The following PRKN variants were observed in gnomAD, a reference collection of about 807,000 sequenced individuals.
The protein encoded by PRKN is parkin RBR E3 ubiquitin protein ligase.
A neutral mutation model predicts 59.5 loss-of-function variants in PRKN; 56 were observed. The observed-to-expected ratio is 0.94, with a 90% confidence interval of 0.76 to 1.18. The LOEUF (loss-of-function observed/expected upper bound fraction) is 1.18. Ranked by LOEUF, PRKN falls within the 50% of genes most tolerant of loss-of-function variation. The pLI is 0.00. For synonymous variants in PRKN, 250 were observed against 222.1 expected, an observed-to-expected ratio of 1.13 and a Z score of -1.12; for missense variants, 657 against 596.4, an observed-to-expected ratio of 1.10 and a Z score of -1.06.
chr6:162,118,635 G>A (rs556390239), intron 4 of PRKN, among the ~76,000 whole-genome samples: 1 of 152,262 alleles, frequency 6.6e-6, no homozygotes, highest in South Asian at 2.1e-4. Flanking sequence ...AGTTAATAAA[G>A]TCAGCAACAT....
rs1278417753 is a variant in PRKN, at chr6:161,456,367, T to G, written c.1084-69490A>C. On this transcript the variant is annotated intron_variant, in intron 9 of 11. Coordinates refer to ENST00000366898, the MANE Select transcript of PRKN (RefSeq NM_004562.3). The surrounding 1 kb of genome is among the most constrained non-coding windows in gnomAD (Gnocchi z 4.8). ...ACATCAGACTCCAAGTTCTTCAGCT[T>G]TTGGACTCTTGGACCTACACCAGTG... Among the ~76,000 whole-genome samples, 1 of 151,958 alleles carries G rather than the reference T, an allele frequency of 6.6e-6. No homozygotes were observed. The highest frequency in any genetic ancestry group is 1.5e-5 in the Non-Finnish European group (1 of 67,988).
chr6:162,235,958 G>GAAGGAAGGAAGAAAGA (rs1778658214), intron 3 of PRKN, among the ~76,000 whole-genome samples: 1 of 92,600 alleles, frequency 1.1e-5, no homozygotes, highest in Admixed American at 1.2e-4. Context: ...AGGAAGAAAG[G>GAAGGAAGGAAGAAAGA]AAGAAAGAAA....
intron 6 of PRKN, among the ~76,000 whole-genome samples, chr6:161,969,119 T>C (rs1321568476): frequency 6.6e-6 from 1 of 152,036 alleles, no homozygotes; most frequent in Non-Finnish European, 1.5e-5. Flanking sequence ...ACTAGAGCAG[T>C]GTTTCTGGAA....
At position 161,559,233 on chromosome 6, in the gene PRKN, T is replaced by C. The variant is rs576680462; in HGVS notation, c.933+10122A>G. ...AAGAGATCCAAATCAACTGGCTTCC[T>C]TGTCCCCTCTCCATGTGTGACACGG... On this transcript the variant is annotated intron_variant, in intron 8 of 11. Coordinates refer to ENST00000366898, the MANE Select transcript of PRKN (RefSeq NM_004562.3). 2.0e-5 allele frequency among the ~76,000 whole-genome samples: 3 copies of C among 152,218 alleles called. No homozygotes were observed. The South Asian group carries it at 6.2e-4, about 32-fold the overall frequency.
intron 1 of PRKN, among the ~76,000 whole-genome samples, chr6:162,669,936 T>C (rs934634603): frequency 3.3e-5 from 5 of 152,126 alleles, no homozygotes; most frequent in African/African-American, 1.2e-4. Flanking sequence ...GGACAAGAAA[T>C]TAATAAATCA....
chr6:161,895,313 A>G lies in PRKN; in HGVS notation c.734+77989T>C, dbSNP rs532748438. On this transcript the variant is annotated intron_variant, in intron 6 of 11. Transcript: ENST00000366898. ...GCAAGAGGAGACCTGAACGATTGGC[A>G]TAAGAAAATAAATACCCCTTCCATG... Among the ~76,000 whole-genome samples, 5 of 152,284 alleles carry G rather than the reference A, an allele frequency of 3.3e-5. No individual in the cohort carries two copies. In the East Asian group the frequency reaches 9.7e-4, roughly 29 times the overall value.
chr6:161,687,602 G>A (rs1030446558), intron 7 of PRKN, among the ~76,000 whole-genome samples: 20 of 149,276 alleles, frequency 1.3e-4, no homozygotes, highest in South Asian at 6.4e-4. Flanking sequence ...GACTGCAGGC[G>A]CGAACCACCA....
chr6:162,287,121 G>A (rs1313652352), intron 2 of PRKN, among the ~76,000 whole-genome samples: 1 of 152,138 alleles, frequency 6.6e-6, no homozygotes, highest in Non-Finnish European at 1.5e-5. Context: ...GTGAAACTCA[G>A]AAAAATGATA....
chr6:162,526,371 G>T (rs950936794), intron 1 of PRKN, among the ~76,000 whole-genome samples: 1 of 151,490 alleles, frequency 6.6e-6, no homozygotes, highest in Non-Finnish European at 1.5e-5. Context: ...ACCAAAGGTG[G>T]CCGGGCACGG....
intron 9 of PRKN, among the ~76,000 whole-genome samples, chr6:161,539,979 T>C (rs1487557975): frequency 6.6e-6 from 1 of 152,156 alleles, no homozygotes; most frequent in Non-Finnish European, 1.5e-5. Flanking sequence ...AAGTGGATCG[T>C]TTCCATATTT....
chr6:162,680,740 A>G (rs1779740781), intron 1 of PRKN, among the ~76,000 whole-genome samples: 1 of 152,212 alleles, frequency 6.6e-6, no homozygotes, highest in Non-Finnish European at 1.5e-5. Flanking sequence ...TTATAGAGTA[A>G]ATAATCACTC....
At chr6:162,475,682 T>C (rs4709628) in intron 1 of PRKN, among the ~76,000 whole-genome samples, 47,397 of 152,108 alleles carry the variant, frequency 0.31, 7,661 homozygotes, top group East Asian at 0.49. Context: ...AGCTGCGTCA[T>C]GCCTCCGGAA....
At chr6:162,535,725 T>G (rs1417308211) in intron 1 of PRKN, among the ~76,000 whole-genome samples, 7 of 151,882 alleles carry the variant, frequency 4.6e-5, no homozygotes, top group Admixed American at 3.9e-4. Flanking sequence ...CCTGGCAACA[T>G]GGAGAAACTC....
intron 2 of PRKN, among the ~76,000 whole-genome samples, chr6:162,337,793 A>AAAAC (rs1397195209): frequency 1.3e-5 from 2 of 152,212 alleles, no homozygotes; most frequent in Non-Finnish European, 2.9e-5. Flanking sequence ...GAAAAATGAA[A>AAAAC]CAGATGAATA....
At chr6:161,701,478 G>A (rs1411831898) in intron 7 of PRKN, among the ~76,000 whole-genome samples, 1 of 152,040 alleles carries the variant, frequency 6.6e-6, no homozygotes, top group Non-Finnish European at 1.5e-5. Context: ...TTTATTTAGG[G>A]CACAACCAAT....
intron 1 of PRKN, among the ~76,000 whole-genome samples, chr6:162,503,307 C>T (rs545682824): frequency 3.6e-4 from 54 of 151,770 alleles, no homozygotes; most frequent in African/African-American, 9.9e-4. Flanking sequence ...GGATTACAGG[C>T]GCCCACCACT....
At chr6:161,999,734 T>C (rs181400269) in intron 5 of PRKN, among the ~76,000 whole-genome samples, 142 of 152,198 alleles carry the variant, frequency 9.3e-4, no homozygotes, top group African/African-American at 3.4e-3. Flanking sequence ...AAAACATGAA[T>C]GTGGGAAAAC....
intron 1 of PRKN, among the ~76,000 whole-genome samples, chr6:162,724,648 C>T (rs1003240850): frequency 6.6e-6 from 1 of 152,156 alleles, no homozygotes; most frequent in Non-Finnish European, 1.5e-5. Flanking sequence ...GTTCCAGAAG[C>T]AGCAACAGGC....
chr6:162,397,282 G>A (rs550661817), intron 2 of PRKN, among the ~76,000 whole-genome samples: 1 of 152,180 alleles, frequency 6.6e-6, no homozygotes, highest in African/African-American at 2.4e-5. Context: ...AGCAAACTCG[G>A]GAATATCAAC....
Sources: gnomAD v4.1 joint callset for allele counts (sites outside exome capture counted in the v4.1 genomes callset) on GRCh38, gnomAD v4.1.1 for gene constraint, Gnocchi (gnomAD v3.1) non-coding constraint, MANE v1.5 for transcripts, NCBI Gene and HGNC (gene_info 2026-07-23, HGNC 2026-07-21) for gene names.